The following FGGY variants were observed in gnomAD, a reference collection of about 807,000 sequenced individuals.
FGGY encodes FGGY carbohydrate kinase domain containing.
In FGGY, 72 loss-of-function variants were observed where a neutral mutation model predicts 71.3. That is an observed-to-expected ratio of 1.01 (90% CI 0.84 to 1.23). The LOEUF is 1.23. FGGY is among the 50% of genes most tolerant of loss of function. The probability of loss-of-function intolerance (pLI) is 0.00; values close to 1 mark genes in which losing one functional copy is unlikely to be tolerated. For synonymous variants in FGGY, 251 were observed against 250.3 expected (o/e 1.00, Z -0.02); for missense variants, 668 against 682.3 (o/e 0.98, Z 0.23).
chr1:59,657,330 G>T (rs903957157), intron 11 of FGGY, among the ~76,000 whole-genome samples: 1 of 152,190 alleles, frequency 6.6e-6, no homozygotes, highest in Non-Finnish European at 1.5e-5. Context: ...GATGACCAGA[G>T]AGAGGAAGCC....
intron 11 of FGGY, among the ~76,000 whole-genome samples, chr1:59,651,659 A>T (rs1419545361): frequency 6.6e-6 from 1 of 150,836 alleles, no homozygotes; most frequent in Non-Finnish European, 1.5e-5. Context: ...TGCACGTGAG[A>T]TGGGTCTCCT....
intron 11 of FGGY, among the ~76,000 whole-genome samples, chr1:59,643,034 C>CA (rs965526400): frequency 0.025 from 1,307 of 52,490 alleles, 24 homozygotes; most frequent in African/African-American, 0.074. Context: ...GACTCCATCT[C>CA]AAAAAAAAAA....
intron 14 of FGGY, among the ~76,000 whole-genome samples, chr1:59,726,861 T>C (rs1212599075): frequency 6.6e-6 from 1 of 152,182 alleles, no homozygotes; most frequent in East Asian, 1.9e-4. Context: ...TGCTCTAATT[T>C]TTATTATTTC....
intron 8 of FGGY, among the ~76,000 whole-genome samples, chr1:59,555,961 A>C (rs1007747478): frequency 2.0e-5 from 3 of 152,308 alleles, no homozygotes; most frequent in Non-Finnish European, 2.9e-5. Flanking sequence ...AGATAGTGCC[A>C]TTGCACTCCA....
rs74085540 is a variant in FGGY at position 59,325,659 on chromosome 1, G to C, written c.201+3909G>C. 5.3e-3 allele frequency among the ~76,000 whole-genome samples: 801 copies of C among 152,280 alleles called. 6 individuals carry two copies. The highest frequency in any genetic ancestry group is 0.018 in the African/African-American group (753 of 41,538). On this transcript the variant is annotated intron_variant, in intron 2 of 15. Coordinates refer to ENST00000303721, the MANE Select transcript of FGGY (RefSeq NM_018291.5). Reference sequence around the variant, plus strand: ...CTAACACATTGCCTGGCACAAATTAGGTGCTCAATTAATGGCTGTTGAATG... The same window carrying C: ...CTAACACATTGCCTGGCACAAATTACGTGCTCAATTAATGGCTGTTGAATG...
At chr1:59,704,611 A>G (rs1312606343) in intron 14 of FGGY, among the ~76,000 whole-genome samples, 2 of 152,198 alleles carry the variant, frequency 1.3e-5, no homozygotes, top group African/African-American at 4.8e-5. Context: ...TAATACATAT[A>G]AAGCTGCCCC....
At chr1:59,429,960 A>G (rs2067046752) in intron 5 of FGGY, among the ~76,000 whole-genome samples, 1 of 152,134 alleles carries the variant, frequency 6.6e-6, no homozygotes. Flanking sequence ...TAGCTGCATG[A>G]TCCTGTTTCA....
intron 9 of FGGY, among the ~76,000 whole-genome samples, chr1:59,618,797 C>A (rs1014908383): frequency 1.3e-5 from 2 of 151,846 alleles, no homozygotes; most frequent in Non-Finnish European, 2.9e-5. Context: ...AAAATTAACA[C>A]CCTCAGTCTC....
intron 14 of FGGY, among the ~76,000 whole-genome samples, chr1:59,697,367 C>A (rs561021745): frequency 1.4e-4 from 22 of 152,246 alleles, no homozygotes; most frequent in Non-Finnish European, 2.4e-4. Context: ...CCTCCCCCAA[C>A]CCCTAGCAAC....
At chr1:59,539,803 G>A (rs932929750) in intron 7 of FGGY, among the ~76,000 whole-genome samples, 12 of 152,204 alleles carry the variant, frequency 7.9e-5, no homozygotes, top group Non-Finnish European at 1.6e-4. Flanking sequence ...TTAAAAGAGT[G>A]AAAATGCAAG....
At chr1:59,431,638 C>G (rs542398826) in intron 5 of FGGY, among the ~76,000 whole-genome samples, 1 of 152,288 alleles carries the variant, frequency 6.6e-6, no homozygotes, top group African/African-American at 2.4e-5. Context: ...TCTGCATGAT[C>G]CAAAGTGGCT....
Position 59,710,945 on chromosome 1 carries a change from A to G in FGGY, c.1512+36812A>G, listed in dbSNP as rs144563138. On this transcript the variant is annotated intron_variant, in intron 14 of 15. Transcript: ENST00000303721. The stretch of plus-strand genomic sequence containing the variant: ...ACCCAGCAATCCCATTACTAGATAT[A>G]TACCCAAATGATTATAAATCATTCT... 2.8e-3 allele frequency among the ~76,000 whole-genome samples: 431 copies of G among 152,336 alleles called. 1 individual carries two copies. Among genetic ancestry groups the G allele is most frequent in the African/African-American group, 9.5e-3 (396 of 41,576 alleles).
chr1:59,571,200 A>G (rs1244111667), intron 8 of FGGY, among the ~76,000 whole-genome samples: 2 of 152,242 alleles, frequency 1.3e-5, no homozygotes, highest in Non-Finnish European at 2.9e-5. Context: ...GGATACGATC[A>G]TCACCATTTT....
chr1:59,337,944 G>A (rs1428614306), intron 2 of FGGY, among the ~76,000 whole-genome samples: 1 of 152,164 alleles, frequency 6.6e-6, no homozygotes, highest in Non-Finnish European at 1.5e-5. Flanking sequence ...TTCTGATGGG[G>A]GAAAGCATTC....
At chr1:59,399,478 A>G (rs188237664) in intron 5 of FGGY, among the ~76,000 whole-genome samples, 1 of 152,294 alleles carries the variant, frequency 6.6e-6, no homozygotes, top group Admixed American at 6.5e-5. Flanking sequence ...TCCCATAGTA[A>G]CAGAGTTAGA....
intron 8 of FGGY, among the ~76,000 whole-genome samples, chr1:59,576,677 G>GACAGACAC (rs779800900): frequency 2.3e-5 from 3 of 130,056 alleles, no homozygotes; most frequent in Non-Finnish European, 3.2e-5. Flanking sequence ...CAGACAGACA[G>GACAGACAC]ACACACACAC....
rs956530589 is a variant in FGGY at position 59,634,129 on chromosome 1, G to C, written c.1074-4099G>C. On this transcript the variant is annotated intron_variant, in intron 10 of 15. Coordinates refer to ENST00000303721, the MANE Select transcript of FGGY (RefSeq NM_018291.5). The stretch of plus-strand genomic sequence containing the variant: ...GGGTTAAGAAGTAAGGAACTAGGCC[G>C]GTTGCAGTGGCTCACACCTATAATC... Among the ~76,000 whole-genome samples, 10 of 152,270 alleles carry C rather than the reference G, an allele frequency of 6.6e-5. 1 individual carries two copies. In the East Asian group the frequency reaches 1.9e-3, roughly 29 times the overall value.
At chr1:59,438,927 T>A (rs2069120286) in intron 5 of FGGY, among the ~76,000 whole-genome samples, 1 of 152,212 alleles carries the variant, frequency 6.6e-6, no homozygotes, top group Non-Finnish European at 1.5e-5. Context: ...AACGCATGAT[T>A]TAAATATACA....
At chr1:59,646,597 C>A (rs1461613339) in intron 11 of FGGY, among the ~76,000 whole-genome samples, 2 of 151,350 alleles carry the variant, frequency 1.3e-5, no homozygotes, top group African/African-American at 4.8e-5. Flanking sequence ...GTGACTAATT[C>A]GCCAGCTGGT....
Sources: gnomAD v4.1 joint callset for allele counts (sites outside exome capture counted in the v4.1 genomes callset) on GRCh38, gnomAD v4.1.1 for gene constraint, MANE v1.5 for transcripts, NCBI Gene and HGNC (gene_info 2026-07-23, HGNC 2026-07-21) for gene names.